Variants in ATP8B1 observed in about 807,000 individuals in gnomAD.
ATP8B1 encodes phospholipid-transporting ATPase IC.
In ATP8B1, 80 loss-of-function variants were observed where a neutral mutation model predicts 149.9. The observed-to-expected ratio is 0.53, with a 90% CI of 0.45 to 0.64. The LOEUF is 0.64. Among genes scored for constraint, ATP8B1 ranks in the 30% least tolerant of loss-of-function variants. The pLI, the probability that ATP8B1 is intolerant of heterozygous loss-of-function variation, is 0.00. For synonymous variants in ATP8B1, 536 were observed against 562.8 expected (o/e 0.95, Z 0.67); for missense variants, 1,247 against 1,552.6 (o/e 0.80, Z 3.31).
intron 1 of ATP8B1, among the ~76,000 whole-genome samples, chr18:57,737,422 C>T (rs972857379): frequency 1.2e-4 from 18 of 151,988 alleles, no homozygotes; most frequent in African/African-American, 3.1e-4. Context: ...ACTCTGCCAC[C>T]GAGGCTGCAG....
chr18:57,647,749 A>T lies in ATP8B1; in HGVS notation c.*739T>A, dbSNP rs1362041263. On this transcript the variant is annotated 3_prime_UTR_variant, in exon 28 of 28. Transcript: ENST00000648908. ...AATAATAGGACTTTTATTATTATTA[A>T]AAAATTTTTTTTGAGCTGGTGTCTC... 1 of 153,476 alleles carries T rather than the reference A, an allele frequency of 6.5e-6. No individual in the cohort carries two copies. Among genetic ancestry groups the T allele is most frequent in the East Asian group, 1.9e-4 (1 of 5,208 alleles). 9.5% of individuals were successfully genotyped at this position (153,476 alleles called of 1,614,324 possible).
chr18:57,732,914 T>C (rs571387256), intron 1 of ATP8B1, among the ~76,000 whole-genome samples: 49 of 152,268 alleles, frequency 3.2e-4, no homozygotes, highest in African/African-American at 1.1e-3. Flanking sequence ...CTCTAAGATA[T>C]CTGGTTTCTG....
intron 4 of ATP8B1, among the ~76,000 whole-genome samples, chr18:57,703,176 C>T (rs539296608): frequency 7.0e-4 from 106 of 152,280 alleles, no homozygotes; most frequent in Non-Finnish European, 1.1e-3. Context: ...CACGCATCCT[C>T]CATCCCCACC....
At chr18:57,707,091 G>A (rs1335821193) in intron 2 of ATP8B1, among the ~76,000 whole-genome samples, 1 of 152,198 alleles carries the variant, frequency 6.6e-6, no homozygotes, top group Non-Finnish European at 1.5e-5. Context: ...TGAATCACGA[G>A]GTCAGGAGTT....
chr18:57,698,945 A>G (rs79969185), intron 6 of ATP8B1, among the ~76,000 whole-genome samples: 7,958 of 152,252 alleles, frequency 0.052, 284 homozygotes, highest in Non-Finnish European at 0.082. Context: ...TAGGTGTCTC[A>G]TCTTCTGTCT....
chr18:57,676,612 G>T (rs541970259), intron 15 of ATP8B1, among the ~76,000 whole-genome samples: 1 of 149,746 alleles, frequency 6.7e-6, no homozygotes, highest in Non-Finnish European at 1.5e-5. Context: ...CCAGCTACTC[G>T]GGAGGCTGAG....
Position 57,675,020 on chromosome 18 carries a change from G to T in ATP8B1, c.1633C>A (p.Gln545Lys), listed in dbSNP as rs886043983. 2 of 1,613,942 alleles carry T rather than the reference G, an allele frequency of 1.2e-6. No individual in the cohort carries two copies. The highest frequency in any genetic ancestry group is 2.2e-5 in the South Asian group (2 of 91,028). ...HTVMVDRTDG[Q>K]LNYQAASPDE... is the part of the protein sequence containing the mutation. ...GGAGAGGCTGCCTGGTAGTTGAGCT[G>T]ACCTAACAAGGAAGCGAGAGAAATC... The change falls in exon 16 of 28, where the codon CAG becomes AAG. Residue 545 changes from glutamine to lysine, a missense_variant and splice_region_variant. Gln to Lys is a moderately conservative substitution (Grantham distance 53). Transcript: ENST00000648908.
chr18:57,743,862 G>A (rs1247905549), intron 1 of ATP8B1, among the ~76,000 whole-genome samples: 3 of 152,116 alleles, frequency 2.0e-5, no homozygotes, highest in Admixed American at 2.0e-4. Context: ...GACTGGGAAG[G>A]TGAGAGCCTG....
intron 2 of ATP8B1, among the ~76,000 whole-genome samples, chr18:57,713,061 C>T (rs1324452320): frequency 6.6e-6 from 1 of 152,012 alleles, no homozygotes; most frequent in African/African-American, 2.4e-5. Context: ...TGTGACCCAG[C>T]ACATTCCCAG....
intron 1 of ATP8B1, among the ~76,000 whole-genome samples, chr18:57,756,189 CAACA>C (rs1420396444): frequency 1.6e-4 from 14 of 87,072 alleles, no homozygotes; most frequent in Admixed American, 8.5e-4. Flanking sequence ...AACATTTCCA[CAACA>C]TATATATATA....
chr18:57,773,817 C>A (rs2080284374), intron 1 of ATP8B1, among the ~76,000 whole-genome samples: 1 of 152,090 alleles, frequency 6.6e-6, no homozygotes, highest in African/African-American at 2.4e-5. Flanking sequence ...GCTCTGCCTT[C>A]CAAATGTTTC....
Position 57,787,583 on chromosome 18 carries a change from G to A in ATP8B1, c.-26+15415C>T, listed in dbSNP as rs567732188. Among the ~76,000 whole-genome samples, 21 of 152,278 alleles carry A rather than the reference G, an allele frequency of 1.4e-4. No homozygotes were observed. In the South Asian group the frequency reaches 3.7e-3, roughly 27 times the overall value. Reference sequence around the variant, plus strand: ...ACTGTGGGTGGGGAGTGTTGGCTCCGCTATACCATTTCCTCTTGTAATTTT... The same window carrying A: ...ACTGTGGGTGGGGAGTGTTGGCTCCACTATACCATTTCCTCTTGTAATTTT... On this transcript the variant is annotated intron_variant, in intron 1 of 27. Coordinates refer to ENST00000648908, the MANE Select transcript of ATP8B1 (RefSeq NM_001374385.1).
intron 1 of ATP8B1, among the ~76,000 whole-genome samples, chr18:57,762,991 A>G (rs1476391802): frequency 6.6e-6 from 1 of 152,208 alleles, no homozygotes; most frequent in Non-Finnish European, 1.5e-5. Flanking sequence ...CAGGAGTTCA[A>G]AGAATGAGAA....
chr18:57,660,869 G>T (rs1341099538), intron 22 of ATP8B1, among the ~76,000 whole-genome samples: 1 of 151,940 alleles, frequency 6.6e-6, no homozygotes, highest in Non-Finnish European at 1.5e-5. Flanking sequence ...CAGTAAGAGA[G>T]AAAAAAATAC....
intron 1 of ATP8B1, among the ~76,000 whole-genome samples, chr18:57,736,529 T>C (rs1448911667): frequency 4.9e-5 from 7 of 143,942 alleles, no homozygotes; most frequent in Non-Finnish European, 1.1e-4. Flanking sequence ...AGGACAATCA[T>C]AGCTCATTGC....
chr18:57,727,695 A>C (rs1176726355), intron 2 of ATP8B1, among the ~76,000 whole-genome samples: 3 of 152,306 alleles, frequency 2.0e-5, no homozygotes, highest in Non-Finnish European at 2.9e-5. Flanking sequence ...AGGCTGAGGC[A>C]GGAGAATCGC....
At chr18:57,671,397 T>A in intron 17 of ATP8B1, 71 bp downstream of exon 17, 1 of 1,322,410 alleles carries the variant, frequency 7.6e-7, no homozygotes, top group East Asian at 2.3e-5. Flanking sequence ...ACAGCTTTCA[T>A]GCAAACTTAA....
Position 57,662,628 on chromosome 18 carries a change from A to G in ATP8B1, c.2286-13T>C, listed in dbSNP as rs374096714. The G allele has an allele frequency of 8.1e-6, 13 of 1,614,030 alleles. No individual in the cohort carries two copies. The highest frequency in any genetic ancestry group is 9.3e-6 in the Non-Finnish European group (11 of 1,179,976). On this transcript the variant is annotated splice_polypyrimidine_tract_variant and intron_variant, in intron 20 of 27. Transcript: ENST00000648908. Reference sequence around the variant, plus strand: ...ATGAAGAAGAGAACTAGGGGAAACCAAATTTCAGTGTTTAAAGTGTAAGAC... The same window carrying G: ...ATGAAGAAGAGAACTAGGGGAAACCGAATTTCAGTGTTTAAAGTGTAAGAC...
chr18:57,685,400 G>A (rs576560513), intron 13 of ATP8B1, among the ~76,000 whole-genome samples: 9 of 152,138 alleles, frequency 5.9e-5, no homozygotes, highest in South Asian at 4.1e-4. Flanking sequence ...TGTGAGCCAC[G>A]TCCTCAGCCC....
Sources: gnomAD v4.1 joint callset for allele counts (sites outside exome capture counted in the v4.1 genomes callset) on GRCh38, gnomAD v4.1.1 for gene constraint, MANE v1.5 for transcripts, NCBI Gene and HGNC (gene_info 2026-07-23, HGNC 2026-07-21) for gene names.